Variants in CA1 observed in about 807,000 individuals in gnomAD.
CA1 encodes the protein carbonic anhydrase 1, also known as carbonate dehydratase I.
A neutral mutation model predicts 28.8 loss-of-function variants in CA1; 27 were observed. The observed-to-expected ratio is 0.94, with a 90% CI of 0.69 to 1.29. The LOEUF (loss-of-function observed/expected upper bound fraction) is 1.29. Among genes scored for constraint, CA1 ranks in the 50% most tolerant of loss-of-function variants. The pLI is 0.00. For synonymous variants in CA1, 121 were observed against 108.8 expected, an observed-to-expected ratio of 1.11 and a Z score of -0.70; for missense variants, 335 against 310.5, an observed-to-expected ratio of 1.08 and a Z score of -0.59.
At chr8:85,332,395 C>A (rs547645492) in intron 6 of CA1, 95 bp downstream of exon 6, 3 of 970,000 alleles carry the variant, frequency 3.1e-6, no homozygotes, top group East Asian at 5.0e-5. Context: ...TTACTATGGC[C>A]TTCCTACTCC....
intron 1 of CA1, among the ~76,000 whole-genome samples, chr8:85,355,601 A>G (rs1484141294): frequency 9.9e-4 from 87 of 88,226 alleles, no homozygotes; most frequent in African/African-American, 3.7e-3. Context: ...GAGTCTTGCT[A>G]TTTTGCTCAG....
chr8:85,353,697 C>T (rs1257155671), intron 1 of CA1, among the ~76,000 whole-genome samples: 1 of 150,860 alleles, frequency 6.6e-6, no homozygotes, highest in Non-Finnish European at 1.5e-5. Context: ...GGCTTTGCAA[C>T]GTTCTTTTTT....
chr8:85,362,602 A>G (rs1221625613), intron 1 of CA1, among the ~76,000 whole-genome samples: 1 of 152,172 alleles, frequency 6.6e-6, no homozygotes, highest in African/African-American at 2.4e-5. Flanking sequence ...GCTGAAAAAG[A>G]TTCAGGGATT....
chr8:85,354,468 T>G (rs981441161), intron 1 of CA1, among the ~76,000 whole-genome samples: 2 of 152,154 alleles, frequency 1.3e-5, no homozygotes, highest in Non-Finnish European at 2.9e-5. Flanking sequence ...CAAAATCTTG[T>G]TGGGATGATC....
At chr8:85,356,313 C>T (rs145262174) in intron 1 of CA1, among the ~76,000 whole-genome samples, 7 of 152,016 alleles carry the variant, frequency 4.6e-5, no homozygotes, top group African/African-American at 1.7e-4. Flanking sequence ...CAATAACAAC[C>T]TTACACAGTT....
Position 85,329,782 on chromosome 8 carries a change from G to GA in CA1, c.575dup (p.Trp193LeufsTer14). The GA allele has an allele frequency of 6.2e-7, 1 of 1,604,510 alleles. No individual in the cohort carries two copies. Among genetic ancestry groups the GA allele is most frequent in the Admixed American group, 1.7e-5 (1 of 59,182 alleles). ...GAGTCAGAGAGCCAGGGTAGGTCCA[G>GA]AAATCCAGGGATGAAGGAAGGAGAG... On this transcript the variant is annotated frameshift_variant, in exon 7 of 8. Transcript: ENST00000523022. LOFTEE classifies it high-confidence loss of function.
chr8:85,375,492 A>G (rs1374585920), intron 1 of CA1, among the ~76,000 whole-genome samples: 2 of 150,726 alleles, frequency 1.3e-5, no homozygotes, highest in Non-Finnish European at 3.0e-5. Flanking sequence ...GGTGCCATAA[A>G]ATACCTGTTT....
rs1031822880 is a variant in CA1 at position 85,327,685 on chromosome 8, A to G, written c.*875T>C. The G allele has an allele frequency of 1.3e-5, 2 of 152,148 alleles. No homozygotes were observed. The highest frequency in any genetic ancestry group is 2.9e-5 in the Non-Finnish European group (2 of 68,054). 9.4% of individuals were successfully genotyped at this position (152,148 alleles called of 1,614,324 possible). ...ACAAACAAACAGAAAACACCACACT[A>G]TACTCCATAAACATGTACAATTATT... On this transcript the variant is annotated 3_prime_UTR_variant, in exon 8 of 8. Coordinates refer to ENST00000523022, the MANE Select transcript of CA1 (RefSeq NM_001128831.4).
In CA1 at chr8:85,328,781, A is replaced by T. The variant is rs1412106920; in HGVS notation, c.670-105T>A. 1.7e-5 allele frequency: 11 copies of T among 652,834 alleles called. 1 individual carries two copies. The Middle Eastern group carries it at 1.7e-3, about 100-fold the overall frequency. The allele number at this position is 652,834 out of a possible 1,614,324, so 40.4% of individuals were successfully genotyped here. On this transcript the variant is annotated intron_variant, in intron 7 of 7. Coordinates refer to ENST00000523022, the MANE Select transcript of CA1 (RefSeq NM_001128831.4). ...TGATATTTAGAAAACTGAGTTAGAA[A>T]TTGCAGTAATATCACTAATAGGAAG...
Position 85,368,535 on chromosome 8 carries a change from G to GT in CA1, c.-25+9510dup, listed in dbSNP as rs369913435. Among the ~76,000 whole-genome samples the GT allele has an allele frequency of 3.6e-3, 532 of 147,058 alleles. 8 individuals are homozygous for GT. Among genetic ancestry groups the GT allele is most frequent in the Middle Eastern group, 0.021 (6 of 282 alleles). ...CATGTTGCTTTAACAATATGGAGGT[G>GT]TTTTTTTTTTCACATTTTCTTTGTG... On this transcript the variant is annotated intron_variant, in intron 1 of 7. Transcript: ENST00000523022.
chr8:85,368,817 G>A (rs1328355874), intron 1 of CA1, among the ~76,000 whole-genome samples: 1 of 152,144 alleles, frequency 6.6e-6, no homozygotes, highest in Non-Finnish European at 1.5e-5. Context: ...GAGCCAGGAG[G>A]TTCCAGACTT....
intron 1 of CA1, among the ~76,000 whole-genome samples, chr8:85,362,466 G>C (rs1373443389): frequency 6.6e-6 from 1 of 152,138 alleles, no homozygotes; most frequent in East Asian, 1.9e-4. Context: ...TTTGAAGGTG[G>C]TGGTGGCTGG....
In CA1 at chr8:85,327,696, A is replaced by G. The variant is rs1007686710; in HGVS notation, c.*864T>C. 10 of 152,148 alleles carry G rather than the reference A, an allele frequency of 6.6e-5. No individual in the cohort carries two copies. Among genetic ancestry groups the G allele is most frequent in the African/African-American group, 2.4e-4 (10 of 41,430 alleles). The allele number at this position is 152,148 out of a possible 1,614,324, so 9.4% of individuals were successfully genotyped here. Reference sequence around the variant, plus strand: ...GAAAACACCACACTATACTCCATAAACATGTACAATTATTGTGTGTCAATT... The same window carrying G: ...GAAAACACCACACTATACTCCATAAGCATGTACAATTATTGTGTGTCAATT... On this transcript the variant is annotated 3_prime_UTR_variant, in exon 8 of 8. Coordinates refer to ENST00000523022, the MANE Select transcript of CA1 (RefSeq NM_001128831.4).
At chr8:85,333,416 A>G (rs1808494647) in intron 5 of CA1, 109 bp downstream of exon 5, 1 of 719,852 alleles carries the variant, frequency 1.4e-6, no homozygotes, top group Admixed American at 2.0e-5. Context: ...GGTTAAATGG[A>G]AACTTTAAAA....
intron 1 of CA1, among the ~76,000 whole-genome samples, chr8:85,362,328 G>T (rs1223776608): frequency 6.6e-6 from 1 of 152,128 alleles, no homozygotes; most frequent in Non-Finnish European, 1.5e-5. Flanking sequence ...GAAGTCCCTT[G>T]TGTTGTGTAA....
intron 5 of CA1, among the ~76,000 whole-genome samples, chr8:85,333,296 C>A (rs1375051199): frequency 6.6e-6 from 1 of 152,132 alleles, no homozygotes; most frequent in Non-Finnish European, 1.5e-5. Context: ...CCTGTGAACA[C>A]ATTTCTATCT....
intron 1 of CA1, among the ~76,000 whole-genome samples, chr8:85,350,400 T>C (rs1286081053): frequency 6.6e-6 from 1 of 152,186 alleles, no homozygotes; most frequent in East Asian, 1.9e-4. Flanking sequence ...CCCAGGGTTA[T>C]GAGTGAAGAG....
At chr8:85,358,126 T>C (rs537306021) in intron 1 of CA1, among the ~76,000 whole-genome samples, 3 of 152,188 alleles carry the variant, frequency 2.0e-5, no homozygotes, top group East Asian at 3.9e-4. Flanking sequence ...AGGGATAAAC[T>C]AGGTGGGCAG....
intron 1 of CA1, among the ~76,000 whole-genome samples, chr8:85,366,708 ATAACC>A (rs1439276197): frequency 1.3e-5 from 2 of 152,330 alleles, no homozygotes; most frequent in East Asian, 1.9e-4. Flanking sequence ...GCATTTCAAA[ATAACC>A]TAAACGGGAA....
Sources: allele counts gnomAD v4.1 joint callset (sites outside exome capture counted in the v4.1 genomes callset), GRCh38; gene constraint gnomAD v4.1.1; transcripts MANE v1.5; gene names NCBI Gene and HGNC (gene_info 2026-07-23, HGNC 2026-07-21).